The following ATXN3 variants were observed in gnomAD, a reference collection of about 807,000 sequenced individuals.
ATXN3 encodes the protein ataxin 3, also known as ataxin-3.
In ATXN3, 28 loss-of-function variants were observed where a neutral mutation model predicts 58.2. The ratio of observed to expected loss-of-function variants is 0.48; its 90% CI spans 0.36 to 0.66. The LOEUF is 0.66. Among genes scored for constraint, ATXN3 ranks in the 30% least tolerant of loss-of-function variants. The probability of loss-of-function intolerance (pLI) is 0.00; values close to 1 mark genes in which losing one functional copy is unlikely to be tolerated. For missense variants in ATXN3, 321 were observed against 422.1 expected, an observed-to-expected ratio of 0.76 and a Z score of 2.10; for synonymous variants, 113 against 138.5, an observed-to-expected ratio of 0.82 and a Z score of 1.29.
chr14:92,065,617 C>T (rs1484419486), intron 10 of ATXN3, among the ~76,000 whole-genome samples: 1 of 152,124 alleles, frequency 6.6e-6, no homozygotes, highest in Non-Finnish European at 1.5e-5. Context: ...CACAGTGGCT[C>T]ACGCCTGTAA....
At chr14:92,106,496 G>A in intron 1 of ATXN3, 33 bp downstream of exon 1, 1 of 1,612,740 alleles carries the variant, frequency 6.2e-7, no homozygotes, top group Non-Finnish European at 8.5e-7. Flanking sequence ...CCACCGCGCG[G>A]CAGACAGCTC....
At chr14:92,101,719 G>T (rs1190299311) in intron 1 of ATXN3, among the ~76,000 whole-genome samples, 1 of 151,998 alleles carries the variant, frequency 6.6e-6, no homozygotes, top group African/African-American at 2.4e-5. Context: ...TTAGCCAGGT[G>T]TGGTGGCAGG....
At chr14:92,106,016 T>G (rs1034052904) in intron 1 of ATXN3, among the ~76,000 whole-genome samples, 1 of 152,050 alleles carries the variant, frequency 6.6e-6, no homozygotes, top group Admixed American at 6.6e-5. Context: ...GCGGACCTAG[T>G]GCAGGGGAAA....
At chr14:92,103,922 G>A (rs923760671) in intron 1 of ATXN3, among the ~76,000 whole-genome samples, 2 of 152,150 alleles carry the variant, frequency 1.3e-5, no homozygotes, top group South Asian at 2.1e-4. Context: ...GGCAGTGAAC[G>A]GAAAAATGGC....
chr14:92,045,110 C>T (rs74071827), intron 2 of ATXN3, among the ~76,000 whole-genome samples: 5,531 of 152,222 alleles, frequency 0.036, 283 homozygotes, highest in African/African-American at 0.12. Context: ...ATGGACTGTA[C>T]CCTGTAGCTT....
intron 9 of ATXN3, among the ~76,000 whole-genome samples, chr14:92,076,836 A>T (rs1332389934): frequency 6.7e-6 from 1 of 148,868 alleles, no homozygotes; most frequent in Non-Finnish European, 1.5e-5. Flanking sequence ...GCTACTTGGG[A>T]GGCTGAGGCA....
At chr14:92,096,910 A>T (rs1474942928) in intron 1 of ATXN3, 72 bp from the exon 2 acceptor site, 8 of 1,064,340 alleles carry the variant, frequency 7.5e-6, no homozygotes, top group Non-Finnish European at 8.1e-6. Flanking sequence ...CCCCTAAATA[A>T]TTTTTTTTTT....
chr14:92,106,518 C>T lies in ATXN3; in HGVS notation c.24+11G>A. On this transcript the variant is annotated intron_variant, in intron 1 of 10. Transcript: ENST00000644486. The stretch of plus-strand genomic sequence containing the variant: ...GCGGCAGACAGCTCCCCACCGAACG[C>T]GGACACTCACTTTCTCGTGGAAGAT... The T allele has an allele frequency of 6.2e-7, 1 of 1,613,470 alleles. No homozygotes were observed. Among genetic ancestry groups the T allele is most frequent in the Non-Finnish European group, 8.5e-7 (1 of 1,179,602 alleles).
At chr14:92,079,667 C>T (rs2061083064) in intron 9 of ATXN3, among the ~76,000 whole-genome samples, 1 of 152,172 alleles carries the variant, frequency 6.6e-6, no homozygotes, top group Non-Finnish European at 1.5e-5. Context: ...TCAGATTGAG[C>T]TATGACTCTG....
chr14:92,077,773 T>C (rs1050988083), intron 9 of ATXN3, among the ~76,000 whole-genome samples: 2 of 151,822 alleles, frequency 1.3e-5, no homozygotes, highest in Admixed American at 6.6e-5. Flanking sequence ...GCCTCCAAAG[T>C]AGCTGTGATT....
intron 3 of ATXN3, 118 bp from the exon 4 acceptor site, chr14:92,093,949 T>TTG (rs1345505296): frequency 6.7e-3 from 3,450 of 514,652 alleles, no homozygotes; most frequent in Non-Finnish European, 8.6e-3. Context: ...TATAGGTTTT[T>TTG]TTTTTTTTTT....
At chr14:92,081,116 C>T in intron 8 of ATXN3, 55 bp from the exon 9 acceptor site, 4 of 1,218,700 alleles carry the variant, frequency 3.3e-6, no homozygotes, top group Non-Finnish European at 4.8e-6. Flanking sequence ...CCAATTCAAG[C>T]AACAATATGT....
At chr14:92,078,447 C>T (rs1046492161) in intron 9 of ATXN3, among the ~76,000 whole-genome samples, 3 of 151,966 alleles carry the variant, frequency 2.0e-5, no homozygotes, top group East Asian at 1.9e-4. Flanking sequence ...ACCGCAACCT[C>T]GCCTCCCGGG....
chr14:92,102,306 CA>C (rs112193853), intron 1 of ATXN3, among the ~76,000 whole-genome samples: 44,073 of 146,530 alleles, frequency 0.3, 6,635 homozygotes, highest in Admixed American at 0.39. Context: ...AAATTAAAAA[CA>C]AAAAAAAAAA....
rs1285532272 is a variant in ATXN3, at chr14:92,060,384, G to A, written c.*3936C>T. The A allele has an allele frequency of 1.3e-5, 2 of 150,982 alleles. No individual in the cohort carries two copies. Among genetic ancestry groups the A allele is most frequent in the Admixed American group, 6.6e-5 (1 of 15,142 alleles). 9.4% of individuals were successfully genotyped at this position (150,982 alleles called of 1,614,324 possible). ...AGGCTCATGCGATTCTTAGCCTCCT[G>A]AGTAGCTGGGATTACAAGTGTGTGC... On this transcript the variant is annotated 3_prime_UTR_variant, in exon 11 of 11. Coordinates refer to ENST00000644486, the MANE Select transcript of ATXN3 (RefSeq NM_004993.6).
At chr14:92,103,110 TAAA>T (rs11388890) in intron 1 of ATXN3, among the ~76,000 whole-genome samples, 20 of 131,628 alleles carry the variant, frequency 1.5e-4, no homozygotes, top group Non-Finnish European at 2.1e-4. Flanking sequence ...GCAAGAGGAT[TAAA>T]AAAAAAAAAA....
chr14:92,091,609 C>CT (rs1283679636), intron 5 of ATXN3, among the ~76,000 whole-genome samples: 1 of 149,368 alleles, frequency 6.7e-6, no homozygotes, highest in African/African-American at 2.5e-5. Flanking sequence ...TGACTTATAC[C>CT]TTTTTTGGCT....
At chr14:92,105,159 C>T (rs370523862) in intron 1 of ATXN3, among the ~76,000 whole-genome samples, 1 of 152,172 alleles carries the variant, frequency 6.6e-6, no homozygotes, top group African/African-American at 2.4e-5. Context: ...CAGTGGCTCA[C>T]GCCTGTAATC....
chr14:92,104,393 G>A (rs1445522176), intron 1 of ATXN3, among the ~76,000 whole-genome samples: 2 of 152,066 alleles, frequency 1.3e-5, no homozygotes, highest in Non-Finnish European at 2.9e-5. Context: ...GCCCGTCTGG[G>A]CCTCCCAAAG....
Sources: allele counts gnomAD v4.1 joint callset (sites outside exome capture counted in the v4.1 genomes callset), GRCh38; gene constraint gnomAD v4.1.1; transcripts MANE v1.5; gene names NCBI Gene and HGNC (gene_info 2026-07-23, HGNC 2026-07-21).